The following ROCK1 variants were observed in gnomAD, a reference collection of about 807,000 sequenced individuals.
ROCK1 encodes the protein rho-associated protein kinase 1.
Under a neutral mutation model 196.8 loss-of-function variants are expected in ROCK1, and 36 were observed. That is an observed-to-expected ratio of 0.18 (90% confidence interval 0.14 to 0.24). The LOEUF is 0.24. ROCK1 is among the 10% of genes least tolerant of loss of function. ROCK1 has a pLI of 1.00. For synonymous variants in ROCK1, 443 were observed against 515.9 expected (o/e 0.86, Z 1.91); for missense variants, 920 against 1,562.0 (o/e 0.59, Z 6.93).
At chr18:21,012,097 G>A (rs1160274641) in intron 13 of ROCK1, among the ~76,000 whole-genome samples, 3 of 151,970 alleles carry the variant, frequency 2.0e-5, no homozygotes, top group African/African-American at 7.3e-5. Context: ...ACAAGTACAC[G>A]CTACCACACT....
intron 29 of ROCK1, among the ~76,000 whole-genome samples, chr18:20,959,165 T>A (rs1325183090): frequency 1.2e-4 from 7 of 59,224 alleles, no homozygotes; most frequent in African/African-American, 5.5e-4. Flanking sequence ...TATTATATAT[T>A]ATATAATATA....
chr18:21,106,746 A>G (rs1174429129), intron 1 of ROCK1, among the ~76,000 whole-genome samples: 1 of 152,238 alleles, frequency 6.6e-6, no homozygotes, highest in Non-Finnish European at 1.5e-5. Context: ...TCTAGGAAAC[A>G]AGTGAATGGT....
intron 9 of ROCK1, among the ~76,000 whole-genome samples, chr18:21,033,966 G>A (rs1489573437): frequency 6.1e-5 from 9 of 146,604 alleles, no homozygotes; most frequent in South Asian, 4.3e-4. Context: ...CCCTGGAGGC[G>A]GAGCTTGCCG....
chr18:21,064,437 G>T (rs1298219303), intron 2 of ROCK1, among the ~76,000 whole-genome samples: 2 of 152,168 alleles, frequency 1.3e-5, no homozygotes, highest in African/African-American at 4.8e-5. Context: ...GTATATCTGT[G>T]TGTGTTTCCA....
Position 20,967,636 on chromosome 18 carries a change from G to GCTT in ROCK1, c.3192+115_3192+116insAAG, listed in dbSNP as rs2035386436. Reference sequence around the variant, plus strand: ...CCAATTTCAGTCTGAAACCAAACAGGCAGAACCCTTGATTGTTCCCAATCT... The same window carrying GCTT: ...CCAATTTCAGTCTGAAACCAAACAGGCTTCAGAACCCTTGATTGTTCCCAATCT... On this transcript the variant is annotated intron_variant, in intron 26 of 32. Coordinates refer to ENST00000399799, the MANE Select transcript of ROCK1 (RefSeq NM_005406.3). 5.1e-6 allele frequency: 4 copies of GCTT among 778,052 alleles called. No individual in the cohort carries two copies. The African/African-American group carries it at 7.2e-5, about 14-fold the overall frequency. 48.2% of individuals were successfully genotyped at this position (778,052 alleles called of 1,614,324 possible).
chr18:20,988,833 A>G (rs772733041), intron 18 of ROCK1, among the ~76,000 whole-genome samples: 2 of 152,014 alleles, frequency 1.3e-5, no homozygotes, highest in African/African-American at 2.4e-5. Flanking sequence ...TTTTTTGTCT[A>G]TATTCACTAT....
chr18:21,017,557 C>T (rs2035874637), intron 12 of ROCK1, among the ~76,000 whole-genome samples: 1 of 152,022 alleles, frequency 6.6e-6, no homozygotes, highest in Non-Finnish European at 1.5e-5. Context: ...TGGAGAGGGG[C>T]CATGTCGTGA....
intron 18 of ROCK1, among the ~76,000 whole-genome samples, chr18:20,988,322 C>T (rs990949137): frequency 4.6e-5 from 7 of 152,134 alleles, no homozygotes; most frequent in African/African-American, 1.7e-4. Context: ...CCTGCCTTGC[C>T]CTCCCAAAGT....
At position 21,038,939 on chromosome 18, in the gene ROCK1, A is replaced by G. The variant is rs1365007364; in HGVS notation, c.1051+533T>C. 2.0e-5 allele frequency among the ~76,000 whole-genome samples: 3 copies of G among 152,300 alleles called. No homozygotes were observed. The East Asian group carries it at 5.8e-4, about 29-fold the overall frequency. On this transcript the variant is annotated intron_variant, in intron 9 of 32. Transcript: ENST00000399799. ...AGAAAGTGTTCTAAACTGACTGAAAATTAGTTTCTTATACAATACATTTTT... is the reference window on the plus strand; with the variant it reads ...AGAAAGTGTTCTAAACTGACTGAAAGTTAGTTTCTTATACAATACATTTTT...
Position 20,984,336 on chromosome 18 carries a change from A to G in ROCK1, c.2489+15T>C, listed in dbSNP as rs536024685. The G allele has an allele frequency of 1.4e-4, 225 of 1,568,394 alleles. 2 individuals are homozygous for G. In the South Asian group the frequency reaches 2.5e-3, roughly 17 times the overall value. ...CAAAAAAGAAAGAAATCACAATGTT[A>G]TTTTAAAGACTTACTTCGTAAGCTG... is the stretch of plus-strand genomic sequence containing the variant. On this transcript the variant is annotated intron_variant, in intron 20 of 32. Transcript: ENST00000399799.
intron 9 of ROCK1, among the ~76,000 whole-genome samples, chr18:21,033,563 A>T (rs751322241): frequency 3.9e-5 from 6 of 152,054 alleles, no homozygotes; most frequent in Non-Finnish European, 7.4e-5. Context: ...AGGTGACATG[A>T]TCCTATCATA....
At chr18:21,070,830 C>A (rs895916592) in intron 1 of ROCK1, among the ~76,000 whole-genome samples, 2 of 152,162 alleles carry the variant, frequency 1.3e-5, no homozygotes, top group African/African-American at 4.8e-5. Context: ...GGCCCAGGGG[C>A]AAGAAAATTA....
intron 29 of ROCK1, among the ~76,000 whole-genome samples, chr18:20,957,720 G>A (rs111717889): frequency 0.067 from 7,465 of 111,024 alleles, no homozygotes; most frequent in East Asian, 0.17. Flanking sequence ...TCCTGACCTC[G>A]TGATCCTCCC....
At chr18:21,020,966 T>G (rs1327746967) in intron 11 of ROCK1, among the ~76,000 whole-genome samples, 1 of 152,006 alleles carries the variant, frequency 6.6e-6, no homozygotes, top group African/African-American at 2.4e-5. Context: ...ACTACAATAA[T>G]AAGGTTAATG....
intron 17 of ROCK1, among the ~76,000 whole-genome samples, chr18:20,992,038 A>G (rs9962182): frequency 0.01 from 1,548 of 152,316 alleles, 20 homozygotes; most frequent in African/African-American, 0.036. Context: ...CAAAAAACAA[A>G]CAAAAAAACC....
chr18:20,961,767 G>C (rs577974649), intron 27 of ROCK1, among the ~76,000 whole-genome samples: 1 of 150,334 alleles, frequency 6.7e-6, no homozygotes, highest in East Asian at 2.0e-4. Context: ...AAATGGTGAG[G>C]TAACTTTAGT....
At chr18:20,957,891 G>C (rs1261629678) in intron 29 of ROCK1, among the ~76,000 whole-genome samples, 1 of 151,788 alleles carries the variant, frequency 6.6e-6, no homozygotes, top group Non-Finnish European at 1.5e-5. Flanking sequence ...CAGGCCAACC[G>C]CCCACCTTGG....
intron 23 of ROCK1, among the ~76,000 whole-genome samples, chr18:20,969,647 A>G (rs1228856686): frequency 1.3e-5 from 2 of 152,140 alleles, no homozygotes; most frequent in Non-Finnish European, 2.9e-5. Context: ...TACTTGTTAT[A>G]TGTTATATTA....
chr18:21,008,180 T>A lies in ROCK1; in HGVS notation c.1425A>T (p.Arg475Ser). The change falls in exon 14 of 33, where the codon AGA becomes AGT. Residue 475 changes from arginine (R) to serine (S), a missense_variant. Arg to Ser is a moderately radical substitution (Grantham distance 110). Around this residue, in one of 6 missense-constraint regions of ROCK1, gnomAD observed 520 missense variants for 657.1 expected, o/e 0.79. Transcript: ENST00000399799. Reference protein sequence around the residue: ...KELDEEGNQRRNLESTVSQIE... With the variant: ...KELDEEGNQRSNLESTVSQIE... ...TCTGAGACACTGTAGATTCTAGATT[T>A]CTTCTTTGATTTCCCTGGAATTATA... The A allele has an allele frequency of 6.3e-7, 1 of 1,582,254 alleles. No homozygotes were observed. Among genetic ancestry groups the A allele is most frequent in the Non-Finnish European group, 8.6e-7 (1 of 1,163,864 alleles).
Sources: gnomAD v4.1 joint callset for allele counts (sites outside exome capture counted in the v4.1 genomes callset) on GRCh38, gnomAD v4.1.1 for gene constraint, gnomAD v4.1.1 regional missense constraint, MANE v1.5 for transcripts, NCBI Gene and HGNC (gene_info 2026-07-23, HGNC 2026-07-21) for gene names.